SMARCA2: variants seen among roughly 807,000 people sequenced by gnomAD.
SMARCA2 encodes SWI/SNF related BAF chromatin remodeling complex subunit ATPase 2.
SMARCA2 carries 61 observed loss-of-function variants against 199.8 expected under a neutral mutation model. That is an observed-to-expected ratio of 0.31 (90% CI 0.25 to 0.38). SMARCA2 has a LOEUF of 0.38. Ranked by LOEUF, SMARCA2 falls within the 10% of genes least tolerant of loss-of-function variation. The pLI is 1.00. For missense variants in SMARCA2, 1,344 were observed against 2,012.2 expected, an observed-to-expected ratio of 0.67 and a Z score of 6.35; for synonymous variants, 935 against 732.0, an observed-to-expected ratio of 1.28 and a Z score of -4.48.
At chr9:2,168,713 T>C (rs981398093) in intron 28 of SMARCA2, among the ~76,000 whole-genome samples, 3 of 152,256 alleles carry the variant, frequency 2.0e-5, no homozygotes, top group African/African-American at 7.2e-5. Context: ...TATGTCATTA[T>C]GTAGTTATTA....
rs1825678057 is a variant in SMARCA2, at chr9:2,161,588, T to C, written c.3982-98T>C. 1 of 803,104 alleles carries C rather than the reference T, an allele frequency of 1.2e-6. No individual in the cohort carries two copies. The highest frequency in any genetic ancestry group is 1.8e-5 in the South Asian group (1 of 54,456). The allele number at this position is 803,104 out of a possible 1,614,324, so 49.7% of individuals were successfully genotyped here. Reference sequence around the variant, plus strand: ...TTTTTTTGGTTAATTTCTTTCATTTTATTCTAATTGTTGGAGCTATATATA... The same window carrying C: ...TTTTTTTGGTTAATTTCTTTCATTTCATTCTAATTGTTGGAGCTATATATA... On this transcript the variant is annotated intron_variant, in intron 27 of 33. Transcript: ENST00000349721. The surrounding 1 kb of genome is among the most constrained non-coding windows in gnomAD (Gnocchi z 4.7).
rs1395400905 is a variant in SMARCA2 at position 2,016,676 on chromosome 9, G to C, written c.-37+1272G>C. ...GAAGGGCTGCGGTGGGGAGGGAATA[G>C]GGGGGTGGCGAGGGCGGGAGGCGGG... On this transcript the variant is annotated intron_variant, in intron 1 of 33. Transcript: ENST00000349721. The surrounding 1 kb of genome is among the most constrained non-coding windows in gnomAD (Gnocchi z 5.6). Among the ~76,000 whole-genome samples, 1 of 151,770 alleles carries C rather than the reference G, an allele frequency of 6.6e-6. No individual in the cohort carries two copies. The highest frequency in any genetic ancestry group is 1.9e-4 in the East Asian group (1 of 5,144).
intron 24 of SMARCA2, among the ~76,000 whole-genome samples, chr9:2,114,628 C>T (rs1823141105): frequency 6.6e-6 from 1 of 152,214 alleles, no homozygotes; most frequent in South Asian, 2.1e-4. Context: ...ATAAAAGCCA[C>T]ATGCCAAGAA....
intron 3 of SMARCA2, among the ~76,000 whole-genome samples, chr9:2,035,024 A>C (rs1304193299): frequency 6.7e-6 from 1 of 148,950 alleles, no homozygotes; most frequent in Admixed American, 6.9e-5. Context: ...TTATTTATTT[A>C]TTTATTTATT....
At chr9:2,067,292 A>G (rs1399869025) in intron 9 of SMARCA2, among the ~76,000 whole-genome samples, 2 of 152,256 alleles carry the variant, frequency 1.3e-5, no homozygotes, top group African/African-American at 4.8e-5. Flanking sequence ...TTGTGCTTTC[A>G]TTCATTCCTT....
At chr9:2,165,028 C>G (rs1825869099) in intron 28 of SMARCA2, among the ~76,000 whole-genome samples, 1 of 152,176 alleles carries the variant, frequency 6.6e-6, no homozygotes, top group Admixed American at 6.5e-5. Flanking sequence ...GATACAGTAT[C>G]ATATTTTTGG....
intron 31 of SMARCA2, among the ~76,000 whole-genome samples, chr9:2,184,628 C>T (rs7871422): frequency 2.6e-5 from 4 of 152,008 alleles, no homozygotes; most frequent in African/African-American, 9.7e-5. Context: ...GCTAGGATTA[C>T]AGGTGTGAGT....
At chr9:2,058,553 A>G (rs986583609) in intron 8 of SMARCA2, 89 bp downstream of exon 8, 2 of 1,140,812 alleles carry the variant, frequency 1.8e-6, no homozygotes, top group African/African-American at 3.1e-5. Context: ...GTAGAAGGAA[A>G]AAATGAAAAC....
intron 27 of SMARCA2, among the ~76,000 whole-genome samples, chr9:2,156,461 C>CTTTTTTTTTTTT (rs1825368852): frequency 1.2e-5 from 1 of 85,988 alleles, no homozygotes; most frequent in Non-Finnish European, 2.0e-5. Flanking sequence ...CAGAGTTTTG[C>CTTTTTTTTTTTT]TCTTGTTACC....
chr9:2,136,584 G>A (rs1360098828), intron 27 of SMARCA2, among the ~76,000 whole-genome samples: 1 of 152,162 alleles, frequency 6.6e-6, no homozygotes, highest in Non-Finnish European at 1.5e-5. Flanking sequence ...GTCAAACATT[G>A]ATTAGGTTGA....
At chr9:2,072,412 C>G (rs1020848393) in intron 10 of SMARCA2, among the ~76,000 whole-genome samples, 1 of 152,134 alleles carries the variant, frequency 6.6e-6, no homozygotes, top group Non-Finnish European at 1.5e-5. Flanking sequence ...TAGTAATGAA[C>G]TTTAGCTTAA....
Position 2,086,887 on chromosome 9 carries a change from A to G in SMARCA2, c.2585A>G (p.Lys862Arg), listed in dbSNP as rs143351615. 1.2e-6 allele frequency: 2 copies of G among 1,614,042 alleles called. No homozygotes were observed. The highest frequency in any genetic ancestry group is 2.7e-5 in the African/African-American group (2 of 74,932). ...CACCGAATGAAGAATCACCACTGCAAGCTGACTCAGGTCTTGAACACTCAC... is the reference window on the plus strand; with the variant it reads ...CACCGAATGAAGAATCACCACTGCAGGCTGACTCAGGTCTTGAACACTCAC... Reference protein sequence around the residue: ...EGHRMKNHHCKLTQVLNTHYV... With the variant: ...EGHRMKNHHCRLTQVLNTHYV... Residue 862 changes from lysine to arginine, a missense_variant, in exon 18 of 34, where the codon AAG (lysine) becomes AGG (arginine). Physicochemically the swap from Lys to Arg is conservative, Grantham distance 26. This residue lies in a region of SMARCA2 where 19 missense variants were observed against 119.6 expected (regional missense o/e 0.16). Transcript: ENST00000349721. The surrounding 1 kb of genome is among the most constrained non-coding windows in gnomAD (Gnocchi z 4.3).
chr9:2,072,875 C>G (rs904721737), intron 10 of SMARCA2, among the ~76,000 whole-genome samples: 3 of 152,182 alleles, frequency 2.0e-5, no homozygotes, highest in Non-Finnish European at 4.4e-5. Context: ...TTACCGCTTT[C>G]CTGGCATTGT....
intron 31 of SMARCA2, 104 bp downstream of exon 31, chr9:2,182,346 C>G: frequency 1.4e-6 from 1 of 713,962 alleles, no homozygotes; most frequent in Non-Finnish European, 2.4e-6. Flanking sequence ...TTGCTACTGG[C>G]AGAAGAAAAA....
rs184572376 is a variant in SMARCA2 at position 2,173,584 on chromosome 9, G to C, written c.4253+3112G>C. The stretch of plus-strand genomic sequence containing the variant: ...TCTGATAGTTTGGACCCAGAATCAA[G>C]CTGACAGTTTATCGTGTAGAGTAGC... On this transcript the variant is annotated intron_variant, in intron 29 of 33. Coordinates refer to ENST00000349721, the MANE Select transcript of SMARCA2 (RefSeq NM_003070.5). 1.5e-3 allele frequency among the ~76,000 whole-genome samples: 232 copies of C among 152,254 alleles called. 2 individuals are homozygous for C. Among genetic ancestry groups the C allele is most frequent in the Middle Eastern group, 3.4e-3 (1 of 294 alleles).
rs1374452930 is a variant in SMARCA2 at position 2,170,438 on chromosome 9, C to T, written c.4219C>T (p.Pro1407Ser). Residue 1407 changes from proline (P) to serine (S), a missense_variant, in exon 29 of 34, where the codon CCC becomes TCC. Pro to Ser is a moderately conservative substitution (Grantham distance 74). Transcript: ENST00000349721. The surrounding 1 kb of genome is among the most constrained non-coding windows in gnomAD (Gnocchi z 4.7). ...YKDRCNVEKV[P>S]SNSQLEIEGN... The stretch of plus-strand genomic sequence containing the variant: ...CCGCAGGTGTAACGTGGAGAAGGTG[C>T]CCAGTAATTCTCAGTTGGAAATAGA... 6.2e-7 allele frequency: 1 copy of T among 1,613,940 alleles called. No individual in the cohort carries two copies. The highest frequency in any genetic ancestry group is 2.2e-5 in the East Asian group (1 of 44,880).
At chr9:2,054,963 G>T (rs1820287745) in intron 6 of SMARCA2, among the ~76,000 whole-genome samples, 1 of 152,032 alleles carries the variant, frequency 6.6e-6, no homozygotes, top group Non-Finnish European at 1.5e-5. Flanking sequence ...TGTACTATGG[G>T]TTACAAAGTC....
chr9:2,116,357 C>T (rs1264127921), intron 25 of SMARCA2, among the ~76,000 whole-genome samples: 1 of 152,144 alleles, frequency 6.6e-6, no homozygotes, highest in African/African-American at 2.4e-5. Flanking sequence ...TGCAGAACTG[C>T]AGAGGATACT....
intron 21 of SMARCA2, among the ~76,000 whole-genome samples, chr9:2,098,857 G>C (rs1453869927): frequency 6.6e-6 from 1 of 151,708 alleles, no homozygotes; most frequent in Non-Finnish European, 1.5e-5. Context: ...TTAGGAAAGA[G>C]AATTGCTTGA....
Sources: allele counts gnomAD v4.1 joint callset (sites outside exome capture counted in the v4.1 genomes callset), GRCh38; gene constraint gnomAD v4.1.1; regional missense constraint gnomAD v4.1.1; non-coding constraint Gnocchi (gnomAD v3.1); transcripts MANE v1.5; gene names NCBI Gene and HGNC (gene_info 2026-07-23, HGNC 2026-07-21).